The following TOX variants were observed in gnomAD, a reference collection of about 807,000 sequenced individuals.
TOX encodes thymocyte selection associated high mobility group box.
A neutral mutation model predicts 53.7 loss-of-function variants in TOX; 11 were observed. The observed-to-expected ratio is 0.20, with a 90% CI of 0.13 to 0.34. The LOEUF (loss-of-function observed/expected upper bound fraction) is 0.34, where lower values mean the gene tolerates loss of function less well. Among genes scored for constraint, TOX ranks in the 10% least tolerant of loss-of-function variants. The pLI is 1.00. For synonymous variants in TOX, 225 were observed against 245.3 expected (o/e 0.92, Z 0.77); for missense variants, 570 against 664.6 (o/e 0.86, Z 1.56).
In TOX at chr8:59,047,212, T is replaced by G. The variant is rs1306577367; in HGVS notation, c.102+71674A>C. The stretch of plus-strand genomic sequence containing the variant: ...AATTCCACCAAGAATTGTTTTTTTT[T>G]TTTTTTTTTTTTTTTTTTTTTTGAG... On this transcript the variant is annotated intron_variant, in intron 1 of 8. Transcript: ENST00000361421. Among the ~76,000 whole-genome samples, 81 of 110,924 alleles carry G rather than the reference T, an allele frequency of 7.3e-4. 5 individuals carry two copies. Among genetic ancestry groups the G allele is most frequent in the Admixed American group, 6.5e-3 (74 of 11,408 alleles). The allele number at this position is 110,924 out of a possible 152,430, so 72.8% of individuals were successfully genotyped here. A position where few individuals can be genotyped will look rare whatever the true frequency, so the allele number is the denominator to read the frequency against.
chr8:59,092,328 T>TTATATATACATTA (rs1586014771), intron 1 of TOX, among the ~76,000 whole-genome samples: 2 of 113,396 alleles, frequency 1.8e-5, no homozygotes, highest in Admixed American at 9.5e-5. Flanking sequence ...CATATATATA[T>TTATATATACATTA]TATATATTAT....
chr8:58,837,374 C>T (rs1810564487), intron 5 of TOX, among the ~76,000 whole-genome samples: 1 of 152,098 alleles, frequency 6.6e-6, no homozygotes, highest in African/African-American at 2.4e-5. Context: ...AATGTGGGAT[C>T]AACATTGCTT....
chr8:58,853,786 A>G (rs1177782371), intron 3 of TOX, among the ~76,000 whole-genome samples: 1 of 152,204 alleles, frequency 6.6e-6, no homozygotes, highest in Non-Finnish European at 1.5e-5. Flanking sequence ...TTAGATGTAC[A>G]TGTAACTTCT....
At chr8:58,910,429 T>G (rs1332090519) in intron 3 of TOX, among the ~76,000 whole-genome samples, 3 of 152,158 alleles carry the variant, frequency 2.0e-5, no homozygotes, top group African/African-American at 7.2e-5. Flanking sequence ...GGGCAACCTG[T>G]CAAAGAGTGG....
Position 59,118,850 on chromosome 8 carries a change from G to C in TOX, c.102+36C>G, listed in dbSNP as rs752973401. The C allele has an allele frequency of 2.6e-6, 4 of 1,517,542 alleles. No individual in the cohort carries two copies. The highest frequency in any genetic ancestry group is 3.6e-6 in the Non-Finnish European group (4 of 1,116,046). 94.0% of individuals were successfully genotyped at this position (1,517,542 alleles called of 1,614,324 possible). ...GCCGCTCCCCTCCCAGGATCAAGCA[G>C]CAAGAACACGGTGGAAACAAAAGCA... On this transcript the variant is annotated intron_variant, in intron 1 of 8. Coordinates refer to ENST00000361421, the MANE Select transcript of TOX (RefSeq NM_014729.3). The surrounding 1 kb of genome is among the most constrained non-coding windows in gnomAD (Gnocchi z 4.1).
intron 4 of TOX, among the ~76,000 whole-genome samples, chr8:58,848,980 C>G (rs1470493649): frequency 6.6e-6 from 1 of 152,056 alleles, no homozygotes; most frequent in Non-Finnish European, 1.5e-5. Flanking sequence ...ATCTTTTTGA[C>G]TTAATGCTAT....
intron 1 of TOX, among the ~76,000 whole-genome samples, chr8:59,097,981 C>T (rs1051703756): frequency 2.0e-5 from 3 of 151,710 alleles, no homozygotes; most frequent in Admixed American, 6.6e-5. Context: ...TTACTTACGG[C>T]GCTATTGGCT....
chr8:58,952,524 C>T (rs1812637658), intron 2 of TOX, among the ~76,000 whole-genome samples: 3 of 152,140 alleles, frequency 2.0e-5, no homozygotes. Context: ...AGCCAAATGG[C>T]TGCTTTCAAA....
chr8:58,998,315 C>T (rs961322043), intron 1 of TOX, among the ~76,000 whole-genome samples: 1 of 150,328 alleles, frequency 6.7e-6, no homozygotes, highest in African/African-American at 2.5e-5. Flanking sequence ...ATGGTGAAAC[C>T]CCACCTCTAC....
chr8:58,925,511 G>A (rs146300631), intron 3 of TOX, among the ~76,000 whole-genome samples: 191 of 152,238 alleles, frequency 1.3e-3, no homozygotes, highest in Non-Finnish European at 2.2e-3. Context: ...ATTGCCTTAC[G>A]TGGACTATCT....
At chr8:59,013,468 T>C (rs754184471) in intron 1 of TOX, among the ~76,000 whole-genome samples, 10 of 151,216 alleles carry the variant, frequency 6.6e-5, no homozygotes, top group Non-Finnish European at 1.3e-4. Context: ...TGGAGTGCAG[T>C]GGCGCGATCT....
At chr8:59,057,883 G>A (rs1193488267) in intron 1 of TOX, among the ~76,000 whole-genome samples, 1 of 152,064 alleles carries the variant, frequency 6.6e-6, no homozygotes, top group Non-Finnish European at 1.5e-5. Context: ...GTCTCACTCT[G>A]TCACCCAGGC....
intron 1 of TOX, among the ~76,000 whole-genome samples, chr8:58,964,753 A>G (rs1298807131): frequency 6.6e-6 from 1 of 152,198 alleles, no homozygotes; most frequent in African/African-American, 2.4e-5. Context: ...CCACTATGAC[A>G]TACTGCTTTT....
At chr8:59,031,067 C>T (rs1268346745) in intron 1 of TOX, among the ~76,000 whole-genome samples, 2 of 152,214 alleles carry the variant, frequency 1.3e-5, no homozygotes, top group Non-Finnish European at 2.9e-5. Context: ...AGCAATTTTC[C>T]ACTTTGGAGC....
intron 3 of TOX, among the ~76,000 whole-genome samples, chr8:58,892,084 A>G (rs1486848887): frequency 1.3e-5 from 2 of 152,208 alleles, no homozygotes; most frequent in Non-Finnish European, 2.9e-5. Context: ...ACCATTTCTG[A>G]AGAGCTTAAT....
At chr8:59,076,486 A>T (rs759228897) in intron 1 of TOX, among the ~76,000 whole-genome samples, 7 of 152,148 alleles carry the variant, frequency 4.6e-5, no homozygotes, top group Non-Finnish European at 8.8e-5. Context: ...AATTTTTTTT[A>T]AAAGAATTCA....
At chr8:58,959,159 A>G (rs1012005765) in intron 2 of TOX, among the ~76,000 whole-genome samples, 1 of 152,128 alleles carries the variant, frequency 6.6e-6, no homozygotes, top group African/African-American at 2.4e-5. Flanking sequence ...CCTTGCTTTC[A>G]CTTATTCGTT....
intron 3 of TOX, among the ~76,000 whole-genome samples, chr8:58,921,956 A>G (rs1055254011): frequency 2.0e-5 from 3 of 152,210 alleles, no homozygotes; most frequent in Non-Finnish European, 4.4e-5. Context: ...TTATCATTTT[A>G]AGGACTATGA....
chr8:59,039,914 T>C (rs1221772881), intron 1 of TOX, among the ~76,000 whole-genome samples: 1 of 152,224 alleles, frequency 6.6e-6, no homozygotes, highest in Non-Finnish European at 1.5e-5. Flanking sequence ...AATTAACATT[T>C]GAGTTTGATT....
Sources: allele counts gnomAD v4.1 joint callset (sites outside exome capture counted in the v4.1 genomes callset), GRCh38; gene constraint gnomAD v4.1.1; non-coding constraint Gnocchi (gnomAD v3.1); transcripts MANE v1.5; gene names NCBI Gene and HGNC (gene_info 2026-07-23, HGNC 2026-07-21).